The following RIMS2 variants were observed in gnomAD, a reference collection of about 807,000 sequenced individuals.
The protein encoded by RIMS2 is regulating synaptic membrane exocytosis protein 2.
A neutral mutation model predicts 174.4 loss-of-function variants in RIMS2; 59 were observed. The observed-to-expected ratio is 0.34, with a 90% CI of 0.27 to 0.42. The LOEUF (loss-of-function observed/expected upper bound fraction) is 0.42. RIMS2 is among the 10% of genes least tolerant of loss of function. RIMS2 has a pLI of 1.00. For synonymous variants in RIMS2, 606 were observed against 572.5 expected (o/e 1.06, Z -0.84); for missense variants, 1,620 against 1,666.3 (o/e 0.97, Z 0.48).
chr8:104,190,190 T>A (rs1238947418), intron 19 of RIMS2, among the ~76,000 whole-genome samples: 1 of 152,002 alleles, frequency 6.6e-6, no homozygotes, highest in Non-Finnish European at 1.5e-5. Flanking sequence ...TAGACCTAGC[T>A]GTTCAGGAGA....
intron 14 of RIMS2, among the ~76,000 whole-genome samples, chr8:103,944,150 C>A (rs1207512487): frequency 2.0e-5 from 3 of 151,944 alleles, no homozygotes; most frequent in African/African-American, 7.2e-5. Context: ...AGTCTTGTAC[C>A]TTTGGATGGT....
chr8:103,623,487 T>TTG (rs1280161883), intron 1 of RIMS2, among the ~76,000 whole-genome samples: 4 of 135,162 alleles, frequency 3.0e-5, no homozygotes, highest in Admixed American at 7.3e-5. Flanking sequence ...AGTTTTTTTT[T>TTG]TTTTTTTTTT....
chr8:103,632,184 G>GGCAT (rs1053278734), intron 1 of RIMS2, among the ~76,000 whole-genome samples: 2 of 152,030 alleles, frequency 1.3e-5, no homozygotes, highest in African/African-American at 4.8e-5. Context: ...AGTGAGAGAG[G>GGCAT]GCATCCTTGT....
At chr8:103,890,547 G>A (rs1394871091) in intron 4 of RIMS2, among the ~76,000 whole-genome samples, 1 of 151,952 alleles carries the variant, frequency 6.6e-6, no homozygotes, top group Admixed American at 6.6e-5. Flanking sequence ...ACTGATTTTT[G>A]CGCACTCTGT....
intron 1 of RIMS2, among the ~76,000 whole-genome samples, chr8:103,670,663 T>G (rs925527558): frequency 6.6e-6 from 1 of 152,154 alleles, no homozygotes; most frequent in African/African-American, 2.4e-5. Context: ...GCCAGTCTCT[T>G]TGCTAAAAAA....
intron 3 of RIMS2, among the ~76,000 whole-genome samples, chr8:103,859,916 T>A (rs2099049516): frequency 6.6e-6 from 1 of 151,972 alleles, no homozygotes; most frequent in Admixed American, 6.6e-5. Context: ...CTTTAGGAAC[T>A]CAGTGGACAG....
chr8:103,656,133 A>G (rs889925364), intron 1 of RIMS2, among the ~76,000 whole-genome samples: 8 of 152,090 alleles, frequency 5.3e-5, no homozygotes, highest in African/African-American at 1.4e-4. Context: ...TCAGAGGAGA[A>G]GATTTAGAAG....
At chr8:103,666,953 A>T (rs1032439004) in intron 1 of RIMS2, among the ~76,000 whole-genome samples, 3 of 152,170 alleles carry the variant, frequency 2.0e-5, no homozygotes, top group African/African-American at 4.8e-5. Flanking sequence ...AAACCATTTG[A>T]CATTCTATAG....
At chr8:104,058,959 T>C (rs1035969817) in intron 19 of RIMS2, among the ~76,000 whole-genome samples, 12 of 152,240 alleles carry the variant, frequency 7.9e-5, no homozygotes, top group African/African-American at 2.6e-4. Flanking sequence ...CCATGCTGTT[T>C]TGGTTACTGT....
intron 17 of RIMS2, among the ~76,000 whole-genome samples, chr8:104,008,082 A>G (rs953368751): frequency 1.6e-4 from 24 of 152,276 alleles, no homozygotes; most frequent in African/African-American, 3.8e-4. Flanking sequence ...ATATAATACA[A>G]TAGCAATTCA....
intron 2 of RIMS2, among the ~76,000 whole-genome samples, chr8:103,726,474 A>T (rs1389974312): frequency 1.3e-5 from 2 of 151,948 alleles, no homozygotes; most frequent in African/African-American, 4.8e-5. Context: ...GGATGCAAGG[A>T]TATTCCCTTG....
chr8:103,891,415 A>G (rs1176140523), intron 4 of RIMS2, among the ~76,000 whole-genome samples: 2 of 152,090 alleles, frequency 1.3e-5, no homozygotes, highest in African/African-American at 4.8e-5. Flanking sequence ...AATATCTTGT[A>G]TAATAGATTC....
intron 1 of RIMS2, among the ~76,000 whole-genome samples, chr8:103,645,674 C>A (rs1020453500): frequency 6.6e-6 from 1 of 152,056 alleles, no homozygotes. Context: ...TATCCTTGTG[C>A]ATGATTTTTC....
intron 19 of RIMS2, among the ~76,000 whole-genome samples, chr8:104,111,308 T>C (rs2098178338): frequency 6.6e-6 from 1 of 152,218 alleles, no homozygotes; most frequent in African/African-American, 2.4e-5. Flanking sequence ...AAATATATTT[T>C]AAAAATTCAG....
chr8:103,561,445 T>G (rs2091576742), intron 1 of RIMS2, among the ~76,000 whole-genome samples: 2 of 152,174 alleles, frequency 1.3e-5, no homozygotes, highest in Admixed American at 1.3e-4. Context: ...GATATTTGAT[T>G]TATTGCTTCT....
At chr8:103,543,768 G>A (rs1405230473) in intron 1 of RIMS2, among the ~76,000 whole-genome samples, 1 of 152,174 alleles carries the variant, frequency 6.6e-6, no homozygotes. Flanking sequence ...TTCAATAAAT[G>A]GTGTTGGGGA....
chr8:104,117,580 AT>A (rs1288162704), intron 19 of RIMS2, among the ~76,000 whole-genome samples: 2 of 152,066 alleles, frequency 1.3e-5, no homozygotes. Flanking sequence ...GCCTCAAGCA[AT>A]CCCCCCTTCC....
intron 12 of RIMS2, among the ~76,000 whole-genome samples, chr8:103,931,669 T>A (rs1268717081): frequency 6.6e-6 from 1 of 152,066 alleles, no homozygotes; most frequent in Non-Finnish European, 1.5e-5. Context: ...AAGTTATGCT[T>A]CCTAAAATCA....
At chr8:104,000,205 C>T (rs2095323353) in intron 17 of RIMS2, among the ~76,000 whole-genome samples, 1 of 151,596 alleles carries the variant, frequency 6.6e-6, no homozygotes, top group Non-Finnish European at 1.5e-5. Context: ...ATCTCCTTCT[C>T]TCTACTATCC....
Sources: allele counts gnomAD v4.1 joint callset (sites outside exome capture counted in the v4.1 genomes callset), GRCh38; gene constraint gnomAD v4.1.1; transcripts MANE v1.5; gene names NCBI Gene and HGNC (gene_info 2026-07-23, HGNC 2026-07-21).